The following SLAIN1 variants were observed in gnomAD, a reference collection of about 807,000 sequenced individuals.
SLAIN1 encodes SLAIN motif-containing protein 1.
In SLAIN1, 17 loss-of-function variants were observed where a neutral mutation model predicts 55.4. The observed-to-expected ratio is 0.31, with a 90% CI of 0.21 to 0.46. The LOEUF is 0.46. Ranked by LOEUF, SLAIN1 falls within the 20% of genes least tolerant of loss-of-function variation. The pLI is 1.00. For synonymous variants in SLAIN1, 348 were observed against 337.4 expected, an observed-to-expected ratio of 1.03 and a Z score of -0.35; for missense variants, 682 against 785.1, an observed-to-expected ratio of 0.87 and a Z score of 1.57.
chr13:77,698,819 T>A lies in SLAIN1; in HGVS notation c.626+280T>A. 7.0e-7 allele frequency: 1 copy of A among 1,437,602 alleles called. No homozygotes were observed. Among genetic ancestry groups the A allele is most frequent in the East Asian group, 2.5e-5 (1 of 39,938 alleles). 89.1% of individuals were successfully genotyped at this position (1,437,602 alleles called of 1,614,324 possible). ...CATGGGTTCTGCTATTTGCTGATTG[T>A]TGGGTCCCAAGCTCCTCGTTAGCAT... On this transcript the variant is annotated intron_variant, in intron 1 of 6. Transcript: ENST00000418532. The surrounding 1 kb of genome is among the most constrained non-coding windows in gnomAD (Gnocchi z 4.1).
chr13:77,738,557 T>C (rs1160925500), intron 2 of SLAIN1, among the ~76,000 whole-genome samples: 3 of 152,056 alleles, frequency 2.0e-5, no homozygotes, highest in Non-Finnish European at 2.9e-5. Context: ...CCTAATGCTG[T>C]CCCTCCTCCT....
At chr13:77,706,831 C>A (rs2091094662) in intron 1 of SLAIN1, among the ~76,000 whole-genome samples, 1 of 152,154 alleles carries the variant, frequency 6.6e-6, no homozygotes, top group Middle Eastern at 3.2e-3. Context: ...TCTAAGTTAA[C>A]CTTTCCCTCA....
At chr13:77,716,847 A>G (rs1478844580) in intron 1 of SLAIN1, among the ~76,000 whole-genome samples, 1 of 152,052 alleles carries the variant, frequency 6.6e-6, no homozygotes, top group Non-Finnish European at 1.5e-5. Flanking sequence ...TTTCTTTCCA[A>G]TGTAAATGTT....
chr13:77,761,108 A>G lies in SLAIN1; in HGVS notation c.1695A>G (p.Arg565=). The G allele has an allele frequency of 6.2e-7, 1 of 1,613,948 alleles. No homozygotes were observed. Among genetic ancestry groups the G allele is most frequent in the Non-Finnish European group, 8.5e-7 (1 of 1,179,870 alleles). The change falls in exon 6 of 7, where the codon AGA becomes AGG. Residue 565 remains arginine, a splice_region_variant and synonymous_variant. Transcript: ENST00000418532. ...GAAGCAAAATTGCACAACCTGTTAGAAGGTAAGAATGTGTATTTGCGTAAC... is the reference window on the plus strand; with the variant it reads ...GAAGCAAAATTGCACAACCTGTTAGGAGGTAAGAATGTGTATTTGCGTAAC... ...LPRSKIAQPV[R]SFLQPPKPLS...
At chr13:77,705,289 G>A (rs2091078028) in intron 1 of SLAIN1, among the ~76,000 whole-genome samples, 1 of 151,836 alleles carries the variant, frequency 6.6e-6, no homozygotes, top group Admixed American at 6.6e-5. Context: ...GAAAAGAAGG[G>A]GTTCTATGAG....
chr13:77,733,991 CAG>C (rs779655404), intron 2 of SLAIN1, among the ~76,000 whole-genome samples: 31 of 152,274 alleles, frequency 2.0e-4, no homozygotes, highest in Non-Finnish European at 4.4e-4. Flanking sequence ...TCTGTGCAGA[CAG>C]AGTTTATGAG....
At chr13:77,746,023 A>G (rs1873788424) in intron 3 of SLAIN1, among the ~76,000 whole-genome samples, 1 of 152,122 alleles carries the variant, frequency 6.6e-6, no homozygotes, top group Admixed American at 6.6e-5. Context: ...AGAACAATAG[A>G]GAGATGACCT....
chr13:77,711,665 A>G (rs2091152317), intron 1 of SLAIN1, among the ~76,000 whole-genome samples: 1 of 152,222 alleles, frequency 6.6e-6, no homozygotes, highest in African/African-American at 2.4e-5. Flanking sequence ...AGCTGGTACC[A>G]TTCCTTCTGA....
At chr13:77,719,042 G>T (rs1049027037) in intron 1 of SLAIN1, among the ~76,000 whole-genome samples, 1 of 151,982 alleles carries the variant, frequency 6.6e-6, no homozygotes, top group East Asian at 1.9e-4. Flanking sequence ...ATTATGTAAG[G>T]GTTCAAAGAA....
chr13:77,711,152 A>G lies in SLAIN1; in HGVS notation c.627-8380A>G, dbSNP rs375486474. Among the ~76,000 whole-genome samples, 61 of 152,308 alleles carry G rather than the reference A, an allele frequency of 4.0e-4. 2 individuals carry two copies. The East Asian group carries it at 9.3e-3, about 23-fold the overall frequency. On this transcript the variant is annotated intron_variant, in intron 1 of 6. Coordinates refer to ENST00000418532, the MANE Select transcript of SLAIN1 (RefSeq NM_001242868.2). ...AGGAAAGATCTCAGATCAACACCCT[A>G]ATATCACAATTAACAGAACTAGAGA...
At chr13:77,738,562 C>T (rs1412466584) in intron 2 of SLAIN1, among the ~76,000 whole-genome samples, 1 of 152,038 alleles carries the variant, frequency 6.6e-6, no homozygotes, top group Non-Finnish European at 1.5e-5. Context: ...TGCTGTCCCT[C>T]CTCCTACCAT....
chr13:77,741,860 CTTTTAATACTTGGT>C (rs959821162), intron 2 of SLAIN1, among the ~76,000 whole-genome samples: 9 of 151,750 alleles, frequency 5.9e-5, no homozygotes, highest in Non-Finnish European at 1.2e-4. Flanking sequence ...CAAAGCAGTC[CTTTTAATACTTGGT>C]TTTTCAAGTT....
At chr13:77,722,625 T>G (rs2091272544) in intron 2 of SLAIN1, among the ~76,000 whole-genome samples, 1 of 152,214 alleles carries the variant, frequency 6.6e-6, no homozygotes, top group South Asian at 2.1e-4. Context: ...TACACCTCAC[T>G]TCTATATTTT....
intron 1 of SLAIN1, among the ~76,000 whole-genome samples, chr13:77,707,265 A>G (rs1315079831): frequency 6.6e-6 from 1 of 151,820 alleles, no homozygotes; most frequent in Non-Finnish European, 1.5e-5. Context: ...TGATATTCCA[A>G]ACTCATTTAC....
chr13:77,703,941 A>C (rs1277635957), intron 1 of SLAIN1, among the ~76,000 whole-genome samples: 1 of 143,372 alleles, frequency 7.0e-6, no homozygotes, highest in East Asian at 2.0e-4. Flanking sequence ...GTGTATATAT[A>C]CACATATAAA....
chr13:77,720,733 G>A (rs558000166), intron 2 of SLAIN1, among the ~76,000 whole-genome samples: 2 of 152,136 alleles, frequency 1.3e-5, no homozygotes. Context: ...CAGAGCCAGG[G>A]TCTCTCTGAA....
chr13:77,700,007 G>A (rs770146028), intron 1 of SLAIN1, among the ~76,000 whole-genome samples: 23 of 152,240 alleles, frequency 1.5e-4, no homozygotes, highest in Admixed American at 9.2e-4. Flanking sequence ...TGGTATGTAT[G>A]TAAACAGTGG....
intron 1 of SLAIN1, among the ~76,000 whole-genome samples, chr13:77,702,907 T>A: frequency 6.6e-6 from 1 of 152,166 alleles, no homozygotes; most frequent in Non-Finnish European, 1.5e-5. Flanking sequence ...TTAAACGTAT[T>A]TTTGCATTAT....
intron 1 of SLAIN1, among the ~76,000 whole-genome samples, chr13:77,717,449 TC>T (rs2091219108): frequency 6.6e-6 from 1 of 152,156 alleles, no homozygotes; most frequent in Non-Finnish European, 1.5e-5. Context: ...CCCAGGTTTT[TC>T]TTTGTGGGTA....
Sources: gnomAD v4.1 joint callset for allele counts (sites outside exome capture counted in the v4.1 genomes callset) on GRCh38, gnomAD v4.1.1 for gene constraint, Gnocchi (gnomAD v3.1) non-coding constraint, MANE v1.5 for transcripts, NCBI Gene and HGNC (gene_info 2026-07-23, HGNC 2026-07-21) for gene names.